Variants in SHISA6 observed in about 807,000 individuals in gnomAD.
SHISA6 encodes protein shisa-6.
A neutral mutation model predicts 47.9 loss-of-function variants in SHISA6; 22 were observed. The ratio of observed to expected loss-of-function variants is 0.46; its 90% CI spans 0.33 to 0.66. The LOEUF is 0.66. SHISA6 is among the 30% of genes least tolerant of loss of function. The pLI is 0.02. For missense variants in SHISA6, 680 were observed against 764.6 expected, an observed-to-expected ratio of 0.89 and a Z score of 1.30; for synonymous variants, 388 against 337.8, an observed-to-expected ratio of 1.15 and a Z score of -1.63.
chr17:11,505,124 T>G (rs942799138), intron 3 of SHISA6, among the ~76,000 whole-genome samples: 1 of 152,220 alleles, frequency 6.6e-6, no homozygotes, highest in Non-Finnish European at 1.5e-5. Context: ...ACTGTCTTTT[T>G]ATTTTGTTGG....
intron 2 of SHISA6, among the ~76,000 whole-genome samples, chr17:11,294,593 TC>T (rs1422984754): frequency 6.6e-6 from 1 of 152,192 alleles, no homozygotes; most frequent in Non-Finnish European, 1.5e-5. Context: ...TATATTTTTT[TC>T]ATAGCTTTAT....
intron 2 of SHISA6, among the ~76,000 whole-genome samples, chr17:11,273,675 A>G (rs1908765833): frequency 6.6e-6 from 1 of 152,186 alleles, no homozygotes; most frequent in South Asian, 2.1e-4. Context: ...TCGTGTAGGC[A>G]GTGTCCCCCT....
In SHISA6 at chr17:11,558,172, C is replaced by T; in HGVS notation, c.1524C>T (p.Thr508=). 6.5e-7 allele frequency: 1 copy of T among 1,548,164 alleles called. No homozygotes were observed. Among genetic ancestry groups the T allele is most frequent in the Middle Eastern group, 1.7e-4 (1 of 5,992 alleles). The change falls in exon 6 of 6, where the codon ACC becomes ACT. Residue 508 remains threonine, a synonymous_variant. Coordinates refer to ENST00000441885, the MANE Select transcript of SHISA6 (RefSeq NM_207386.4). Reference sequence around the variant, plus strand: ...GTGCCTCCAATAACTCATACGCCACCCTGGGCCAGAGCCAGACGGCAGCCA... The same window carrying T: ...GTGCCTCCAATAACTCATACGCCACTCTGGGCCAGAGCCAGACGGCAGCCA... ...HPSASNNSYA[T]LGQSQTAAKR... is the part of the protein sequence containing the mutation.
chr17:11,381,717 T>G (rs997189404), intron 3 of SHISA6, among the ~76,000 whole-genome samples: 4 of 152,216 alleles, frequency 2.6e-5, no homozygotes, highest in Non-Finnish European at 2.9e-5. Flanking sequence ...CCAATCCCTG[T>G]CTGTTCTTTC....
chr17:11,482,468 C>A (rs1851323609), intron 3 of SHISA6, among the ~76,000 whole-genome samples: 1 of 152,152 alleles, frequency 6.6e-6, no homozygotes, highest in Non-Finnish European at 1.5e-5. Context: ...CAGAGACTTT[C>A]TCAGATACAT....
chr17:11,248,010 A>C (rs934406501), intron 1 of SHISA6, among the ~76,000 whole-genome samples: 2 of 152,010 alleles, frequency 1.3e-5, no homozygotes, highest in Non-Finnish European at 2.9e-5. Context: ...TCCTGACCTC[A>C]TGCTCTGCCC....
At chr17:11,348,458 A>G (rs1373244887) in intron 2 of SHISA6, among the ~76,000 whole-genome samples, 7 of 152,168 alleles carry the variant, frequency 4.6e-5, no homozygotes, top group Non-Finnish European at 1.0e-4. Context: ...GTCACCCTCT[A>G]TATTTAAAAG....
intron 3 of SHISA6, among the ~76,000 whole-genome samples, chr17:11,382,928 CTTTTTTTTTTT>C (rs10601084): frequency 2.1e-4 from 15 of 70,776 alleles, no homozygotes; most frequent in Admixed American, 1.2e-3. Context: ...TCCTGTCAGC[CTTTTTTTTTTT>C]TTTTTTTTTT....
chr17:11,323,231 C>T (rs1017528299), intron 2 of SHISA6, among the ~76,000 whole-genome samples: 10 of 152,064 alleles, frequency 6.6e-5, no homozygotes, highest in Admixed American at 6.6e-4. Context: ...AAAATAATTC[C>T]CAAACCAAAG....
intron 2 of SHISA6, among the ~76,000 whole-genome samples, chr17:11,323,346 A>G (rs1223393082): frequency 1.3e-5 from 2 of 152,120 alleles, no homozygotes; most frequent in South Asian, 2.1e-4. Context: ...CCTCATAACA[A>G]TCAAATACAT....
At chr17:11,280,472 T>A (rs911555160) in intron 2 of SHISA6, among the ~76,000 whole-genome samples, 1 of 152,234 alleles carries the variant, frequency 6.6e-6, no homozygotes, top group African/African-American at 2.4e-5. Context: ...ACAGGTAGAC[T>A]AGCATGAATT....
intron 3 of SHISA6, among the ~76,000 whole-genome samples, chr17:11,479,954 A>T (rs757369778): frequency 9.2e-5 from 14 of 152,028 alleles, no homozygotes; most frequent in Non-Finnish European, 4.4e-5. Flanking sequence ...ATTTCCTTTA[A>T]CATTTCTTAC....
intron 3 of SHISA6, among the ~76,000 whole-genome samples, chr17:11,450,494 T>C (rs1291526961): frequency 1.3e-5 from 2 of 151,926 alleles, no homozygotes; most frequent in African/African-American, 4.8e-5. Context: ...CCATCACTAC[T>C]AAATATACCA....
Position 11,511,063 on chromosome 17 carries a change from G to A in SHISA6, c.896-40833G>A, listed in dbSNP as rs2142354566. 1.3e-5 allele frequency among the ~76,000 whole-genome samples: 2 copies of A among 152,240 alleles called. 1 individual carries two copies. Among genetic ancestry groups the A allele is most frequent in the South Asian group, 4.2e-4 (2 of 4,808 alleles). On this transcript the variant is annotated intron_variant, in intron 3 of 5. Transcript: ENST00000441885. ...ATGAAATGAGATGACATATGAACAG[G>A]GCTTAGAAACATGCCTGGTTCGCAT...
At chr17:11,293,989 G>A (rs757913478) in intron 2 of SHISA6, among the ~76,000 whole-genome samples, 14 of 151,968 alleles carry the variant, frequency 9.2e-5, no homozygotes, top group African/African-American at 1.9e-4. Context: ...GGGTTCAAGC[G>A]ATTCTCCTGC....
chr17:11,379,624 G>T (rs1423768836), intron 3 of SHISA6, 115 bp downstream of exon 3: 13 of 672,268 alleles, frequency 1.9e-5, no homozygotes, highest in Non-Finnish European at 2.7e-5. Flanking sequence ...AAGTGGGGTG[G>T]TTCCATGGCA....
intron 3 of SHISA6, among the ~76,000 whole-genome samples, chr17:11,417,431 C>T (rs908658744): frequency 3.3e-5 from 5 of 152,096 alleles, no homozygotes; most frequent in African/African-American, 1.2e-4. Context: ...CCTTTATTAC[C>T]ACCCGATAAC....
chr17:11,533,585 T>C (rs1042464964), intron 3 of SHISA6, among the ~76,000 whole-genome samples: 5 of 109,122 alleles, frequency 4.6e-5, no homozygotes, highest in African/African-American at 2.0e-4. Flanking sequence ...TTCCCTTTCA[T>C]TATTTTTTTT....
At position 11,399,115 on chromosome 17, in the gene SHISA6, G is replaced by A. The variant is rs530349857; in HGVS notation, c.895+19606G>A. ...GCTAAAGACACAGCTAGGAATAACAGTGGTAATTAAGGCTGGGGCTGTCTG... is the reference window on the plus strand; with the variant it reads ...GCTAAAGACACAGCTAGGAATAACAATGGTAATTAAGGCTGGGGCTGTCTG... On this transcript the variant is annotated intron_variant, in intron 3 of 5. Coordinates refer to ENST00000441885, the MANE Select transcript of SHISA6 (RefSeq NM_207386.4). 2.6e-5 allele frequency among the ~76,000 whole-genome samples: 4 copies of A among 152,294 alleles called. No individual in the cohort carries two copies. The East Asian group carries it at 7.7e-4, about 29-fold the overall frequency.
Sources: allele counts gnomAD v4.1 joint callset (sites outside exome capture counted in the v4.1 genomes callset), GRCh38; gene constraint gnomAD v4.1.1; transcripts MANE v1.5; gene names NCBI Gene and HGNC (gene_info 2026-07-23, HGNC 2026-07-21).